LZTFL1: variants seen among roughly 807,000 people sequenced by gnomAD.
LZTFL1 encodes leucine zipper transcription factor like 1.
A neutral mutation model predicts 45.9 loss-of-function variants in LZTFL1; 25 were observed. That is an observed-to-expected ratio of 0.54 (90% CI 0.40 to 0.76). The LOEUF (loss-of-function observed/expected upper bound fraction) is 0.76, where lower values mean the gene tolerates loss of function less well. Ranked by LOEUF, LZTFL1 falls within the 30% of genes least tolerant of loss-of-function variation. The probability of loss-of-function intolerance (pLI) is 0.00; values close to 1 mark genes in which losing one functional copy is unlikely to be tolerated. For missense variants in LZTFL1, 277 were observed against 331.1 expected, an observed-to-expected ratio of 0.84 and a Z score of 1.27; for synonymous variants, 93 against 117.4, an observed-to-expected ratio of 0.79 and a Z score of 1.35.
intron 4 of LZTFL1, among the ~76,000 whole-genome samples, chr3:45,851,108 G>A (rs547034224): frequency 2.4e-4 from 37 of 152,114 alleles, no homozygotes; most frequent in African/African-American, 8.4e-4. Flanking sequence ...TCCACGCCTT[G>A]TTGAAATTTT....
intron 4 of LZTFL1, among the ~76,000 whole-genome samples, chr3:45,851,833 G>C (rs1172258204): frequency 1.1e-5 from 1 of 91,216 alleles, no homozygotes; most frequent in East Asian, 3.4e-4. Context: ...GGGTGACCCT[G>C]TCTCTCATTT....
In LZTFL1 at chr3:45,824,156, T is replaced by C. The variant is rs1050365932; in HGVS notation, c.*2158A>G. The C allele has an allele frequency of 2.0e-5, 3 of 152,140 alleles. No homozygotes were observed. The highest frequency in any genetic ancestry group is 4.4e-5 in the Non-Finnish European group (3 of 68,024). The allele number at this position is 152,140 out of a possible 1,614,324, so 9.4% of individuals were successfully genotyped here. ...TGAATTAAATTAAACCAAAGCTGCA[T>C]TGTGATGGCCATCAATGTACAGACT... On this transcript the variant is annotated 3_prime_UTR_variant, in exon 10 of 10. Transcript: ENST00000296135.
intron 2 of LZTFL1, among the ~76,000 whole-genome samples, chr3:45,889,587 T>G (rs1239958239): frequency 1.3e-5 from 2 of 152,152 alleles, no homozygotes; most frequent in African/African-American, 4.8e-5. Flanking sequence ...AAAATCTAAA[T>G]GAAAACATGA....
Position 45,900,396 on chromosome 3 carries a change from TAGG to T in LZTFL1, c.-215+12721_-215+12723del, listed in dbSNP as rs1365082797. Among the ~76,000 whole-genome samples, 1 of 152,092 alleles carries T rather than the reference TAGG, an allele frequency of 6.6e-6. No individual in the cohort carries two copies. The highest frequency in any genetic ancestry group is 1.5e-5 in the Non-Finnish European group (1 of 68,006). The stretch of plus-strand genomic sequence containing the variant: ...TAGGGTCAGTGAAAAACTGAATAGA[TAGG>T]AGAAGTACGATCACAGTCATATCAC... On this transcript the variant is annotated intron_variant, in intron 2 of 4. Coordinates refer to the LZTFL1 transcript ENST00000472635. The surrounding 1 kb of genome is among the most constrained non-coding windows in gnomAD (Gnocchi z 4.7).
chr3:45,905,906 C>G (rs1299377319), intron 2 of LZTFL1, among the ~76,000 whole-genome samples: 4 of 152,216 alleles, frequency 2.6e-5, no homozygotes, highest in African/African-American at 9.6e-5. Context: ...AGAACAAAAT[C>G]TGGCTTGGCA....
intron 2 of LZTFL1, among the ~76,000 whole-genome samples, chr3:45,892,814 A>G (rs1258853941): frequency 2.0e-5 from 3 of 152,154 alleles, no homozygotes; most frequent in African/African-American, 7.2e-5. Context: ...AAGGCACTCC[A>G]GTGCACTTTT....
intron 2 of LZTFL1, among the ~76,000 whole-genome samples, chr3:45,891,641 C>G (rs148200183): frequency 3.3e-5 from 5 of 152,250 alleles, no homozygotes; most frequent in Non-Finnish European, 5.9e-5. Context: ...TCATCGAATT[C>G]ACAGCACCTA....
In LZTFL1 at chr3:45,827,434, G is replaced by A. The variant is rs531413613; in HGVS notation, c.803C>T (p.Thr268Ile). Residue 268 changes from threonine (T) to isoleucine (I), a missense_variant, in exon 9 of 10, where the codon ACA becomes ATA. Transcript: ENST00000296135. ...EKELEKKFQQ[T>I]AAYRNMKEIL... ...CTCTTTCATGTTTCGATAAGCTGCT[G>A]TTTGCTGAAATTTCTTTTCTAATTC... is the stretch of plus-strand genomic sequence containing the variant. 1.2e-6 allele frequency: 2 copies of A among 1,613,102 alleles called. No homozygotes were observed. Among genetic ancestry groups the A allele is most frequent in the Non-Finnish European group, 1.7e-6 (2 of 1,179,276 alleles).
intron 2 of LZTFL1, among the ~76,000 whole-genome samples, chr3:45,911,451 T>A (rs1037861772): frequency 4.6e-5 from 7 of 152,222 alleles, no homozygotes; most frequent in African/African-American, 1.7e-4. Context: ...AAGTGACTTG[T>A]CCCAAGCCAG....
intron 4 of LZTFL1, among the ~76,000 whole-genome samples, chr3:45,852,610 C>T (rs1701325971): frequency 6.6e-6 from 1 of 152,102 alleles, no homozygotes; most frequent in Non-Finnish European, 1.5e-5. Flanking sequence ...CACATACATG[C>T]AAATTTGGAA....
chr3:45,876,775 G>T (rs568613757), intron 2 of LZTFL1, among the ~76,000 whole-genome samples: 73 of 152,282 alleles, frequency 4.8e-4, no homozygotes, highest in Non-Finnish European at 9.7e-4. Context: ...GTCCATTCCT[G>T]GAGGTGCAGG....
chr3:45,892,234 CAT>C (rs769759189), intron 2 of LZTFL1, among the ~76,000 whole-genome samples: 4 of 152,138 alleles, frequency 2.6e-5, no homozygotes, highest in Non-Finnish European at 5.9e-5. Context: ...ATCTTAAAAA[CAT>C]ATGGGTATAA....
intron 2 of LZTFL1, chr3:45,895,246 A>T: frequency 2.1e-6 from 1 of 480,822 alleles, no homozygotes; most frequent in Non-Finnish European, 3.7e-6. Context: ...TTAGTTCCAT[A>T]TGCCTGTTCT....
At chr3:45,846,539 A>G (rs1286884556), upstream of LZTFL1, among the ~76,000 whole-genome samples, 1 of 152,212 alleles carries the variant, frequency 6.6e-6, no homozygotes, top group Non-Finnish European at 1.5e-5. Context: ...GTTGACTGGA[A>G]GCCTTACCAA....
At chr3:45,848,867 A>AT (rs1431218454) in intron 4 of LZTFL1, among the ~76,000 whole-genome samples, 1 of 152,196 alleles carries the variant, frequency 6.6e-6, no homozygotes, top group Non-Finnish European at 1.5e-5. Context: ...TAAAATCCGA[A>AT]TTTTTTGATA....
chr3:45,857,260 T>C (rs748595702), intron 3 of LZTFL1, among the ~76,000 whole-genome samples: 7 of 152,142 alleles, frequency 4.6e-5, no homozygotes, highest in Non-Finnish European at 8.8e-5. Flanking sequence ...CTCAGGAAAC[T>C]AACACAGAAA....
At chr3:45,836,432 A>G (rs907940678) in intron 2 of LZTFL1, among the ~76,000 whole-genome samples, 2 of 152,154 alleles carry the variant, frequency 1.3e-5, no homozygotes, top group African/African-American at 4.8e-5. Flanking sequence ...AGGCAGGTGG[A>G]TCACTTGAGG....
chr3:45,901,704 G>T lies in LZTFL1; in HGVS notation c.-215+11416C>A. The T allele has an allele frequency of 6.2e-7, 1 of 1,614,096 alleles. No homozygotes were observed. The highest frequency in any genetic ancestry group is 8.5e-7 in the Non-Finnish European group (1 of 1,179,970). On this transcript the variant is annotated intron_variant, in intron 2 of 4. Transcript: ENST00000472635. The surrounding 1 kb of genome is among the most constrained non-coding windows in gnomAD (Gnocchi z 4.3). ...CTGCTTCCAGGTCACCCAGACCATC[G>T]CCTTCTTCCACAGTTGCCTGAACCC... is the stretch of plus-strand genomic sequence containing the variant.
At chr3:45,893,345 G>A (rs1209545757) in intron 2 of LZTFL1, among the ~76,000 whole-genome samples, 1 of 152,012 alleles carries the variant, frequency 6.6e-6, no homozygotes, top group Non-Finnish European at 1.5e-5. Context: ...TATAGAAATG[G>A]GGTTTCACCA....
Sources: allele counts gnomAD v4.1 joint callset (sites outside exome capture counted in the v4.1 genomes callset), GRCh38; gene constraint gnomAD v4.1.1; non-coding constraint Gnocchi (gnomAD v3.1); transcripts MANE v1.5; gene names NCBI Gene and HGNC (gene_info 2026-07-23, HGNC 2026-07-21).